RYR3: variants seen among roughly 807,000 people sequenced by gnomAD.
RYR3 encodes brain ryanodine receptor-calcium release channel.
A neutral mutation model predicts 584.3 loss-of-function variants in RYR3; 207 were observed. That is an observed-to-expected ratio of 0.35 (90% confidence interval 0.32 to 0.40). RYR3 has a LOEUF of 0.40. Among genes scored for constraint, RYR3 ranks in the 10% least tolerant of loss-of-function variants. The pLI, the probability that RYR3 is intolerant of heterozygous loss-of-function variation, is 1.00. For synonymous variants in RYR3, 2,416 were observed against 2,248.5 expected (o/e 1.07, Z -2.11); for missense variants, 5,616 against 6,089.2 (o/e 0.92, Z 2.59).
chr15:33,524,345 C>T (rs1200353081), intron 3 of RYR3, among the ~76,000 whole-genome samples: 3 of 152,220 alleles, frequency 2.0e-5, no homozygotes, highest in Non-Finnish European at 2.9e-5. Context: ...TCCACATAAC[C>T]TCTGTAATTG....
rs572883841 is a variant in RYR3, at chr15:33,715,428, G to A, written c.6620-7287G>A. 3.3e-5 allele frequency among the ~76,000 whole-genome samples: 5 copies of A among 152,282 alleles called. No individual in the cohort carries two copies. In the South Asian group the frequency reaches 6.2e-4, roughly 19 times the overall value. Reference sequence around the variant, plus strand: ...GTTTAAGACAAATAGGAACAACATCGCAATGTTGTACTCAGGAGATACAAT... The same window carrying A: ...GTTTAAGACAAATAGGAACAACATCACAATGTTGTACTCAGGAGATACAAT... On this transcript the variant is annotated intron_variant, in intron 43 of 103. Coordinates refer to ENST00000634891, the MANE Select transcript of RYR3 (RefSeq NM_001036.6).
chr15:33,450,446 C>T (rs2047027390), intron 1 of RYR3, among the ~76,000 whole-genome samples: 1 of 152,100 alleles, frequency 6.6e-6, no homozygotes, highest in African/African-American at 2.4e-5. Flanking sequence ...GCCGCCCGCC[C>T]TCATCTCAAG....
chr15:33,848,514 TAAA>T, intron 94 of RYR3, 93 bp downstream of exon 94: 1 of 1,420,376 alleles, frequency 7.0e-7, no homozygotes, highest in South Asian at 1.5e-5. Context: ...CTGGTTAATA[TAAA>T]CTGTCTTTTG....
intron 1 of RYR3, among the ~76,000 whole-genome samples, chr15:33,389,009 G>T (rs114351240): frequency 0.015 from 2,089 of 142,622 alleles, 48 homozygotes; most frequent in African/African-American, 0.052. Context: ...ACCAAACACC[G>T]CATGTTTAAT....
At position 33,337,301 on chromosome 15, in the gene RYR3, A is replaced by G. The variant is rs117544289; in HGVS notation, c.51+26205A>G. Among the ~76,000 whole-genome samples, 1,073 of 152,220 alleles carry G rather than the reference A, an allele frequency of 7.0e-3. 10 individuals are homozygous for G. The highest frequency in any genetic ancestry group is 0.029 in the Admixed American group (447 of 15,288). ...ACTCACAAAGAAGAAGACAATTAGA[A>G]TGCTCCTATAAATTATTAAATAAAA... On this transcript the variant is annotated intron_variant, in intron 1 of 103. Transcript: ENST00000634891.
chr15:33,854,559 C>G (rs1481884269), intron 97 of RYR3, 110 bp downstream of exon 97: 2 of 1,082,978 alleles, frequency 1.8e-6, no homozygotes, highest in African/African-American at 3.2e-5. Context: ...TTATCAAAGA[C>G]CAAGAGCCTT....
chr15:33,735,198 T>C (rs541167961), intron 48 of RYR3, among the ~76,000 whole-genome samples: 15 of 152,334 alleles, frequency 9.8e-5, no homozygotes, highest in African/African-American at 3.6e-4. Flanking sequence ...TAGTGAATCT[T>C]AGGTGACAAT....
intron 3 of RYR3, among the ~76,000 whole-genome samples, chr15:33,522,146 C>T (rs2054045838): frequency 1.3e-5 from 2 of 150,496 alleles, no homozygotes; most frequent in South Asian, 4.2e-4. Context: ...GCCTGTATTC[C>T]TAGCTACCCA....
intron 60 of RYR3, among the ~76,000 whole-genome samples, chr15:33,759,958 T>C (rs117146585): frequency 0.014 from 2,113 of 152,324 alleles, 27 homozygotes; most frequent in Middle Eastern, 0.027. Context: ...AGAAACCCTA[T>C]AAGCCAGAAG....
chr15:33,418,674 CT>C (rs1053703914), intron 1 of RYR3, among the ~76,000 whole-genome samples: 54 of 152,128 alleles, frequency 3.5e-4, no homozygotes, highest in African/African-American at 1.2e-3. Context: ...CAACTACCCC[CT>C]GGAAGCAGTG....
chr15:33,592,406 A>T (rs1263837985), intron 16 of RYR3, among the ~76,000 whole-genome samples: 2 of 152,150 alleles, frequency 1.3e-5, no homozygotes, highest in Non-Finnish European at 2.9e-5. Flanking sequence ...GATGAACTAG[A>T]TGGTACCAGT....
In RYR3 at chr15:33,823,008, T is replaced by C; in HGVS notation, c.11008T>C (p.Tyr3670His). Residue 3670 changes from tyrosine to histidine, a missense_variant, in exon 81 of 104, where the codon TAC (tyrosine) becomes CAC (histidine). Coordinates refer to ENST00000634891, the MANE Select transcript of RYR3 (RefSeq NM_001036.6). ...NAGVQQKMLDYLKEKKDAGFF... is the reference protein window; with the variant it reads ...NAGVQQKMLDHLKEKKDAGFF... ...GTCTCCCTTGCAGAAAATGCTAGATTACCTAAAGGAGAAAAAGGATGCTGG... is the reference window on the plus strand; with the variant it reads ...GTCTCCCTTGCAGAAAATGCTAGATCACCTAAAGGAGAAAAAGGATGCTGG... 6 of 1,613,202 alleles carry C rather than the reference T, an allele frequency of 3.7e-6. No homozygotes were observed. The highest frequency in any genetic ancestry group is 4.2e-6 in the Non-Finnish European group (5 of 1,179,510).
intron 42 of RYR3, 118 bp downstream of exon 42, chr15:33,701,198 G>C: frequency 1.6e-6 from 1 of 642,814 alleles, no homozygotes. Flanking sequence ...TGGTGGGCTT[G>C]TAGGGAAAGT....
intron 26 of RYR3, 99 bp from the exon 27 acceptor site, chr15:33,636,277 C>T: frequency 3.0e-6 from 3 of 1,013,750 alleles, no homozygotes; most frequent in Non-Finnish European, 3.0e-6. Context: ...AATCATGTAA[C>T]CACTACTAGT....
intron 59 of RYR3, 64 bp from the exon 60 acceptor site, chr15:33,757,411 T>A (rs962058542): frequency 3.8e-5 from 58 of 1,545,080 alleles, no homozygotes; most frequent in Admixed American, 5.9e-5. Flanking sequence ...TAAACACTTT[T>A]AAATGAACCA....
In RYR3 at chr15:33,696,359, G is replaced by A. The variant is rs375286188; in HGVS notation, c.6002G>A (p.Arg2001Gln). ...DSIGELLQAL[R>Q]KTYTISHTSV... ...ATTGGGGAGCTGCTGCAGGCGCTGC[G>A]GAAGACCTACACCATCAGCCACACC... is the stretch of plus-strand genomic sequence containing the variant. Residue 2001 changes from arginine (R) to glutamine (Q), a missense_variant, in exon 39 of 104, where the codon CGG becomes CAG. Transcript: ENST00000634891. The A allele has an allele frequency of 1.2e-5, 20 of 1,613,164 alleles. No homozygotes were observed. In the Admixed American group the frequency reaches 1.7e-4, roughly 13 times the overall value.
intron 60 of RYR3, among the ~76,000 whole-genome samples, chr15:33,762,512 A>C (rs1233937081): frequency 5.3e-5 from 8 of 151,242 alleles, no homozygotes; most frequent in Admixed American, 4.6e-4. Context: ...TGGCAATTGC[A>C]TTTATTCTCA....
intron 1 of RYR3, among the ~76,000 whole-genome samples, chr15:33,319,453 A>G (rs898983138): frequency 6.6e-6 from 1 of 152,208 alleles, no homozygotes; most frequent in Non-Finnish European, 1.5e-5. Flanking sequence ...TTTTCCTCCA[A>G]GTAATCCTCT....
chr15:33,766,166 C>G (rs1025189653), intron 60 of RYR3, among the ~76,000 whole-genome samples: 1 of 151,772 alleles, frequency 6.6e-6, no homozygotes, highest in Non-Finnish European at 1.5e-5. Flanking sequence ...ACCTGTAGTC[C>G]CAGCTACTCT....
Sources: gnomAD v4.1 joint callset for allele counts (sites outside exome capture counted in the v4.1 genomes callset) on GRCh38, gnomAD v4.1.1 for gene constraint, MANE v1.5 for transcripts, NCBI Gene and HGNC (gene_info 2026-07-23, HGNC 2026-07-21) for gene names.